THSD7A: variants seen among roughly 807,000 people sequenced by gnomAD.
The protein encoded by THSD7A is thrombospondin type-1 domain-containing protein 7A.
A neutral mutation model predicts 231.3 loss-of-function variants in THSD7A; 96 were observed. The observed-to-expected ratio is 0.41, with a 90% CI of 0.35 to 0.49. The LOEUF (loss-of-function observed/expected upper bound fraction) is 0.49, where lower values mean the gene tolerates loss of function less well. THSD7A is among the 20% of genes least tolerant of loss of function. The probability of loss-of-function intolerance (pLI) is 0.05; values close to 1 mark genes in which losing one functional copy is unlikely to be tolerated. For synonymous variants in THSD7A, 940 were observed against 743.3 expected (o/e 1.26, Z -4.30); for missense variants, 2,290 against 2,070.2 (o/e 1.11, Z -2.06).
intron 6 of THSD7A, among the ~76,000 whole-genome samples, chr7:11,514,043 A>G (rs1787927472): frequency 6.6e-6 from 1 of 151,924 alleles, no homozygotes. Flanking sequence ...ATGTCTTTGC[A>G]CTGGTTCTTG....
At chr7:11,542,416 C>A (rs6962022) in intron 5 of THSD7A, among the ~76,000 whole-genome samples, 38,825 of 152,102 alleles carry the variant, frequency 0.26, 5,009 homozygotes, top group Middle Eastern at 0.4. Context: ...CATAAGAAAA[C>A]CATTGCATTT....
At chr7:11,420,931 C>G (rs541954824) in intron 16 of THSD7A, among the ~76,000 whole-genome samples, 2 of 152,248 alleles carry the variant, frequency 1.3e-5, no homozygotes, top group East Asian at 3.9e-4. Context: ...TGCATGGGGC[C>G]TGTAGCCACT....
intron 4 of THSD7A, among the ~76,000 whole-genome samples, chr7:11,568,652 AAAC>A (rs1790479155): frequency 8.8e-5 from 12 of 136,406 alleles, no homozygotes; most frequent in African/African-American, 3.2e-4. Context: ...AAAAAAAAAA[AAAC>A]CAAAATCTGG....
intron 2 of THSD7A, among the ~76,000 whole-genome samples, chr7:11,600,159 A>G (rs1195272778): frequency 6.6e-6 from 1 of 152,090 alleles, no homozygotes; most frequent in Non-Finnish European, 1.5e-5. Context: ...AATCTTGACT[A>G]ATATAATAAC....
At chr7:11,493,772 A>G (rs1038039696) in intron 6 of THSD7A, among the ~76,000 whole-genome samples, 1 of 152,082 alleles carries the variant, frequency 6.6e-6, no homozygotes, top group South Asian at 2.1e-4. Context: ...GCCATAAGTA[A>G]ACCAGACTGG....
intron 6 of THSD7A, 142 bp downstream of exon 6, chr7:11,541,277 G>A (rs1470484235): frequency 3.8e-6 from 3 of 785,922 alleles, no homozygotes; most frequent in African/African-American, 3.5e-5. Context: ...GGGAAAGAGA[G>A]GGAGGGAGAG....
intron 1 of THSD7A, among the ~76,000 whole-genome samples, chr7:11,790,066 TGTG>T (rs1267667133): frequency 6.6e-6 from 1 of 151,968 alleles, no homozygotes. Flanking sequence ...AATTAAATGT[TGTG>T]GAGATAAAAA....
At chr7:11,682,901 G>C (rs545247478) in intron 1 of THSD7A, among the ~76,000 whole-genome samples, 2 of 151,922 alleles carry the variant, frequency 1.3e-5, no homozygotes, top group Non-Finnish European at 2.9e-5. Context: ...GAGGCTGCTG[G>C]ATCATGAGGT....
chr7:11,392,024 C>T (rs556627558), intron 23 of THSD7A, among the ~76,000 whole-genome samples: 21 of 152,184 alleles, frequency 1.4e-4, no homozygotes, highest in East Asian at 7.8e-4. Context: ...ATCTGCAGAC[C>T]GGAGCTGTTC....
At chr7:11,684,057 G>A (rs984220665) in intron 1 of THSD7A, among the ~76,000 whole-genome samples, 13 of 151,818 alleles carry the variant, frequency 8.6e-5, no homozygotes, top group Admixed American at 2.0e-4. Flanking sequence ...TTTATTCTTG[G>A]GATGCAAGGA....
chr7:11,495,632 T>C (rs1040913516), intron 6 of THSD7A, among the ~76,000 whole-genome samples: 4 of 152,050 alleles, frequency 2.6e-5, no homozygotes, highest in Admixed American at 2.6e-4. Flanking sequence ...CATTACAAAA[T>C]CAAAACCACT....
At chr7:11,477,596 T>C (rs902072967) in intron 7 of THSD7A, among the ~76,000 whole-genome samples, 2 of 152,180 alleles carry the variant, frequency 1.3e-5, no homozygotes, top group Non-Finnish European at 2.9e-5. Flanking sequence ...GTTGGTATTA[T>C]TATTTTGTCA....
chr7:11,660,726 T>TGC (rs1782895251), intron 1 of THSD7A, among the ~76,000 whole-genome samples: 1 of 151,428 alleles, frequency 6.6e-6, no homozygotes, highest in Non-Finnish European at 1.5e-5. Context: ...AGTAGGTAAA[T>TGC]ATAAAAATGC....
At chr7:11,829,996 G>C (rs1000371032) in intron 1 of THSD7A, among the ~76,000 whole-genome samples, 4 of 152,112 alleles carry the variant, frequency 2.6e-5, no homozygotes, top group Non-Finnish European at 4.4e-5. Context: ...ACTGCAGATA[G>C]GCAGAAGAAG....
chr7:11,458,481 A>AATAT (rs536069203), intron 11 of THSD7A, among the ~76,000 whole-genome samples: 125 of 152,272 alleles, frequency 8.2e-4, no homozygotes, highest in Non-Finnish European at 1.2e-3. Context: ...TATATTTATG[A>AATAT]ATATATCACT....
At chr7:11,519,115 TATATA>T (rs751706655) in intron 6 of THSD7A, among the ~76,000 whole-genome samples, 2 of 152,200 alleles carry the variant, frequency 1.3e-5, no homozygotes, top group Admixed American at 6.5e-5. Flanking sequence ...TTTTGGTTTA[TATATA>T]ATATCTTTAT....
intron 4 of THSD7A, among the ~76,000 whole-genome samples, chr7:11,549,929 CAAAT>C (rs1264485204): frequency 6.6e-6 from 1 of 151,946 alleles, no homozygotes; most frequent in Non-Finnish European, 1.5e-5. Context: ...TTAAAACAAA[CAAAT>C]GAATGCCCAC....
intron 6 of THSD7A, among the ~76,000 whole-genome samples, chr7:11,503,392 C>T (rs954702381): frequency 6.6e-6 from 1 of 152,092 alleles, no homozygotes; most frequent in Non-Finnish European, 1.5e-5. Flanking sequence ...ATCTTAGACA[C>T]AGGAATGGGC....
intron 2 of THSD7A, among the ~76,000 whole-genome samples, chr7:11,601,500 G>A (rs1780551024): frequency 6.6e-6 from 1 of 152,134 alleles, no homozygotes; most frequent in African/African-American, 2.4e-5. Context: ...AACCTTGGAG[G>A]CTATGACTGT....
Sources: gnomAD v4.1 joint callset for allele counts (sites outside exome capture counted in the v4.1 genomes callset) on GRCh38, gnomAD v4.1.1 for gene constraint, MANE v1.5 for transcripts, NCBI Gene and HGNC (gene_info 2026-07-23, HGNC 2026-07-21) for gene names.